Variants in LCMT1 observed in about 807,000 individuals in gnomAD.
LCMT1 encodes the protein leucine carboxyl methyltransferase 1.
Under a neutral mutation model 47.7 loss-of-function variants are expected in LCMT1, and 32 were observed. The ratio of observed to expected loss-of-function variants is 0.67; its 90% CI spans 0.51 to 0.90. The LOEUF (loss-of-function observed/expected upper bound fraction) is 0.90. Among genes scored for constraint, LCMT1 ranks in the 40% least tolerant of loss-of-function variants. LCMT1 has a pLI of 0.00. For synonymous variants in LCMT1, 152 were observed against 149.7 expected (o/e 1.02, Z -0.11); for missense variants, 375 against 415.2 (o/e 0.90, Z 0.84).
intron 7 of LCMT1, among the ~76,000 whole-genome samples, chr16:25,165,994 G>A (rs540662375): frequency 1.3e-5 from 2 of 152,156 alleles, no homozygotes; most frequent in South Asian, 2.1e-4. Flanking sequence ...CTGGGTGGGT[G>A]CGGTGGCTCA....
In LCMT1 at chr16:25,178,101, T is replaced by C; in HGVS notation, c.*78T>C. The C allele has an allele frequency of 7.0e-7, 1 of 1,418,484 alleles. No individual in the cohort carries two copies. The highest frequency in any genetic ancestry group is 9.9e-7 in the Non-Finnish European group (1 of 1,008,680). 87.9% of individuals were successfully genotyped at this position (1,418,484 alleles called of 1,614,324 possible). On this transcript the variant is annotated 3_prime_UTR_variant, in exon 11 of 11. Coordinates refer to ENST00000399069, the MANE Select transcript of LCMT1 (RefSeq NM_016309.3). ...GGAGACCTGCAAGCTCCCTGAGCGG[T>C]GGGCGGGCCTCGTCCGCAGGTCTCA... is the stretch of plus-strand genomic sequence containing the variant.
chr16:25,157,344 G>C (rs189819181), intron 5 of LCMT1, among the ~76,000 whole-genome samples: 468 of 152,070 alleles, frequency 3.1e-3, no homozygotes, highest in African/African-American at 0.011. Flanking sequence ...AAGAGTTCAA[G>C]ACCAGCCTGG....
chr16:25,167,310 C>G (rs1049390114), intron 7 of LCMT1, among the ~76,000 whole-genome samples: 1 of 151,558 alleles, frequency 6.6e-6, no homozygotes, highest in African/African-American at 2.4e-5. Flanking sequence ...TTTGCTTTTC[C>G]TTTTTTTTGG....
chr16:25,156,421 G>C (rs939550596), intron 5 of LCMT1, among the ~76,000 whole-genome samples: 3 of 152,214 alleles, frequency 2.0e-5, no homozygotes, highest in Non-Finnish European at 2.9e-5. Context: ...ATGGATGAAT[G>C]TGTTTGTGTT....
At chr16:25,129,722 T>C (rs192323516) in intron 2 of LCMT1, among the ~76,000 whole-genome samples, 1 of 152,346 alleles carries the variant, frequency 6.6e-6, no homozygotes, top group African/African-American at 2.4e-5. Context: ...TCTAGGTGTC[T>C]GGACTAATTA....
At chr16:25,133,115 CCT>C (rs1354199130) in intron 3 of LCMT1, among the ~76,000 whole-genome samples, 2 of 152,100 alleles carry the variant, frequency 1.3e-5, no homozygotes, top group African/African-American at 4.8e-5. Flanking sequence ...CCTGCCTCAG[CCT>C]CTCAAAGTGC....
At chr16:25,165,528 T>G (rs28405761) in intron 7 of LCMT1, among the ~76,000 whole-genome samples, 2 of 149,606 alleles carry the variant, frequency 1.3e-5, no homozygotes. Flanking sequence ...TTTTTTTTTT[T>G]CTTTTTAAGC....
chr16:25,153,271 C>T (rs1961134261), intron 5 of LCMT1, among the ~76,000 whole-genome samples: 1 of 152,204 alleles, frequency 6.6e-6, no homozygotes, highest in South Asian at 2.1e-4. Flanking sequence ...TTGTTTTGTG[C>T]TTCTATAACA....
chr16:25,112,110 G>T, intron 1 of LCMT1, 114 bp downstream of exon 1: 1 of 736,664 alleles, frequency 1.4e-6, no homozygotes, highest in Admixed American at 2.0e-5. Context: ...CCCCCGCCTC[G>T]CACGACCCTC....
At chr16:25,175,618 G>A (rs1961907957) in intron 10 of LCMT1, among the ~76,000 whole-genome samples, 1 of 152,026 alleles carries the variant, frequency 6.6e-6, no homozygotes, top group Admixed American at 6.6e-5. Flanking sequence ...GGCAAGAAGA[G>A]CGAAACCCTG....
At chr16:25,135,068 C>T (rs1299978566) in intron 3 of LCMT1, among the ~76,000 whole-genome samples, 5 of 151,942 alleles carry the variant, frequency 3.3e-5, no homozygotes, top group African/African-American at 1.2e-4. Context: ...TTTTTTCTCC[C>T]GTCTTGTAGA....
chr16:25,117,512 T>G (rs1959832617), intron 1 of LCMT1, among the ~76,000 whole-genome samples: 1 of 152,194 alleles, frequency 6.6e-6, no homozygotes, highest in Non-Finnish European at 1.5e-5. Flanking sequence ...GTGTTCTCCC[T>G]GCCATTCCCA....
At chr16:25,170,442 G>T (rs187792289) in intron 8 of LCMT1, among the ~76,000 whole-genome samples, 18 of 152,244 alleles carry the variant, frequency 1.2e-4, no homozygotes, top group Admixed American at 1.2e-3. Flanking sequence ...TGAGAAAGGA[G>T]TCGTCTCAGA....
chr16:25,133,447 G>A (rs1463795555), intron 3 of LCMT1, among the ~76,000 whole-genome samples: 2 of 124,158 alleles, frequency 1.6e-5, no homozygotes, highest in Admixed American at 1.1e-4. Flanking sequence ...TGCCCAGGCT[G>A]GAGTACAATG....
chr16:25,127,301 A>AT (rs59386370), intron 1 of LCMT1, among the ~76,000 whole-genome samples: 9 of 152,206 alleles, frequency 5.9e-5, no homozygotes, highest in Admixed American at 5.9e-4. Flanking sequence ...ACTGAAAACC[A>AT]TTTTTTTAAG....
At chr16:25,166,766 G>A (rs1475923317) in intron 7 of LCMT1, among the ~76,000 whole-genome samples, 1 of 152,118 alleles carries the variant, frequency 6.6e-6, no homozygotes, top group Admixed American at 6.5e-5. Context: ...TTCCTGCCCA[G>A]GTTCCTGTGT....
At chr16:25,173,661 A>G (rs941271705) in intron 9 of LCMT1, among the ~76,000 whole-genome samples, 2 of 152,004 alleles carry the variant, frequency 1.3e-5, no homozygotes, top group African/African-American at 4.8e-5. Context: ...CTTTTTGAAA[A>G]TGCCGGACTT....
chr16:25,156,223 G>C (rs1375615439), intron 5 of LCMT1, among the ~76,000 whole-genome samples: 1 of 152,104 alleles, frequency 6.6e-6, no homozygotes, highest in African/African-American at 2.4e-5. Context: ...GTTTCCTCAT[G>C]GTACTGACTG....
At chr16:25,134,090 A>G (rs1208342602) in intron 3 of LCMT1, among the ~76,000 whole-genome samples, 1 of 150,128 alleles carries the variant, frequency 6.7e-6, no homozygotes, top group Non-Finnish European at 1.5e-5. Context: ...AGGTTTGTAC[A>G]GATTTTGCTT....
Sources: allele counts gnomAD v4.1 joint callset (sites outside exome capture counted in the v4.1 genomes callset), GRCh38; gene constraint gnomAD v4.1.1; transcripts MANE v1.5; gene names NCBI Gene and HGNC (gene_info 2026-07-23, HGNC 2026-07-21).